SUGCT: variants seen among roughly 807,000 people sequenced by gnomAD.
The protein encoded by SUGCT is succinyl-CoA:glutarate CoA-transferase.
In SUGCT, 41 loss-of-function variants were observed where a neutral mutation model predicts 55.0. That is an observed-to-expected ratio of 0.74 (90% CI 0.58 to 0.97). SUGCT has a LOEUF of 0.97. Ranked by LOEUF, SUGCT falls within the 50% of genes least tolerant of loss-of-function variation. The pLI is 0.00. For synonymous variants in SUGCT, 187 were observed against 200.4 expected, an observed-to-expected ratio of 0.93 and a Z score of 0.56; for missense variants, 568 against 547.8, an observed-to-expected ratio of 1.04 and a Z score of -0.37.
intron 13 of SUGCT, among the ~76,000 whole-genome samples, chr7:40,761,927 T>G (rs768950936): frequency 3.9e-5 from 6 of 152,204 alleles, no homozygotes; most frequent in Non-Finnish European, 8.8e-5. Context: ...GTGGGTTCTT[T>G]CTGCTATGAC....
At chr7:40,815,057 G>A (rs1185756249) in intron 13 of SUGCT, among the ~76,000 whole-genome samples, 1 of 152,208 alleles carries the variant, frequency 6.6e-6, no homozygotes, top group Non-Finnish European at 1.5e-5. Flanking sequence ...AGAGCCAGCT[G>A]CAGCCAACAT....
At chr7:40,853,930 AT>A (rs56190843) in intron 13 of SUGCT, among the ~76,000 whole-genome samples, 12,084 of 152,306 alleles carry the variant, frequency 0.079, 651 homozygotes, top group Middle Eastern at 0.14. Context: ...AGCAAACACA[AT>A]TGACATTATT....
chr7:40,178,762 G>A (rs1785043456), intron 1 of SUGCT, among the ~76,000 whole-genome samples: 1 of 151,878 alleles, frequency 6.6e-6, no homozygotes, highest in Admixed American at 6.6e-5. Flanking sequence ...GCCAGTAGAG[G>A]GACCTTCCAA....
chr7:40,880,279 A>T, the SUGCT span, among the ~76,000 whole-genome samples: 1 of 152,130 alleles, frequency 6.6e-6, no homozygotes, highest in South Asian at 2.1e-4. Flanking sequence ...TTATTTAGTT[A>T]TTTATTTATT....
At chr7:40,441,624 A>C (rs1159986271) in intron 9 of SUGCT, among the ~76,000 whole-genome samples, 1 of 152,212 alleles carries the variant, frequency 6.6e-6, no homozygotes, top group Non-Finnish European at 1.5e-5. Context: ...TAAGATATTC[A>C]TGTAACTGCA....
At chr7:40,453,950 A>G (rs1789329504) in intron 10 of SUGCT, among the ~76,000 whole-genome samples, 1 of 152,222 alleles carries the variant, frequency 6.6e-6, no homozygotes, top group African/African-American at 2.4e-5. Context: ...ATATTTAGCA[A>G]AGAAATATAA....
In SUGCT at chr7:40,702,321, G is replaced by A. The variant is rs368009798; in HGVS notation, c.1090-47113G>A. ...TTTCTAACCTCTCACTGTGTCAAAG[G>A]ATTTCTCCTAATGTGAAAGAAACTT... On this transcript the variant is annotated intron_variant, in intron 12 of 13. Coordinates refer to ENST00000335693, the MANE Select transcript of SUGCT (RefSeq NM_001193313.2). Among the ~76,000 whole-genome samples the A allele has an allele frequency of 2.0e-5, 3 of 152,312 alleles. No homozygotes were observed. The South Asian group carries it at 6.2e-4, about 32-fold the overall frequency.
In SUGCT at chr7:40,359,948, G is replaced by A. The variant is rs1236094383; in HGVS notation, c.816+43093G>A. ...ATTTTATTGGTAACTACTTACAAAT[G>A]TTAGAGAAATGACCTGCAGCCTTTT... On this transcript the variant is annotated intron_variant, in intron 9 of 13. Transcript: ENST00000335693. Among the ~76,000 whole-genome samples the A allele has an allele frequency of 2.6e-5, 4 of 152,196 alleles. No individual in the cohort carries two copies. In the South Asian group the frequency reaches 6.2e-4, roughly 24 times the overall value.
chr7:40,817,666 G>A (rs796787971), intron 13 of SUGCT, among the ~76,000 whole-genome samples: 3 of 152,256 alleles, frequency 2.0e-5, no homozygotes, highest in African/African-American at 7.2e-5. Context: ...GATTCAAATG[G>A]AGGTTGGAGC....
intron 12 of SUGCT, among the ~76,000 whole-genome samples, chr7:40,712,380 A>G (rs1360036799): frequency 2.0e-5 from 3 of 152,218 alleles, no homozygotes; most frequent in Non-Finnish European, 4.4e-5. Flanking sequence ...GTGTTGTTGC[A>G]TCAGGCAGAA....
At chr7:41,004,679 C>G in the SUGCT span, among the ~76,000 whole-genome samples, 1 of 152,248 alleles carries the variant, frequency 6.6e-6, no homozygotes, top group Admixed American at 6.5e-5. Context: ...GTTGCAACTC[C>G]TGTCCTCCCT....
At chr7:40,894,839 G>A in the SUGCT span, among the ~76,000 whole-genome samples, 6 of 152,122 alleles carry the variant, frequency 3.9e-5, no homozygotes, top group African/African-American at 9.7e-5. Flanking sequence ...TCAGAGAAGA[G>A]GGAACACTTA....
chr7:40,532,485 G>T (rs1034022041), intron 12 of SUGCT, among the ~76,000 whole-genome samples: 1 of 151,382 alleles, frequency 6.6e-6, no homozygotes, highest in African/African-American at 2.4e-5. Context: ...GAAGGATTAA[G>T]AATCACTTCA....
At chr7:40,481,778 A>AAACTGCT in intron 11 of SUGCT, among the ~76,000 whole-genome samples, 1 of 152,298 alleles carries the variant, frequency 6.6e-6, no homozygotes, top group East Asian at 1.9e-4. Context: ...TTGGTGAGAG[A>AAACTGCT]AACTGCTTAT....
At chr7:40,822,701 G>GT (rs1172830786) in intron 13 of SUGCT, among the ~76,000 whole-genome samples, 6 of 152,150 alleles carry the variant, frequency 3.9e-5, no homozygotes, top group East Asian at 1.9e-4. Flanking sequence ...GTAGAGCACT[G>GT]TTTTTTACCT....
chr7:40,395,950 C>T (rs1350349826), intron 9 of SUGCT, among the ~76,000 whole-genome samples: 1 of 152,130 alleles, frequency 6.6e-6, no homozygotes, highest in Non-Finnish European at 1.5e-5. Flanking sequence ...TAAGAGACAC[C>T]TTGAATTTAT....
intron 9 of SUGCT, among the ~76,000 whole-genome samples, chr7:40,391,212 A>T (rs553581314): frequency 2.6e-5 from 4 of 152,352 alleles, no homozygotes; most frequent in African/African-American, 9.6e-5. Flanking sequence ...ACCATTCAGG[A>T]CATAGGCAAG....
intron 12 of SUGCT, among the ~76,000 whole-genome samples, chr7:40,613,308 G>A (rs985815461): frequency 6.6e-6 from 1 of 152,146 alleles, no homozygotes; most frequent in Non-Finnish European, 1.5e-5. Flanking sequence ...AAAGGGGCAC[G>A]AAGTGAAGAT....
chr7:40,669,317 A>C (rs375401965), intron 12 of SUGCT, among the ~76,000 whole-genome samples: 4 of 150,442 alleles, frequency 2.7e-5, no homozygotes, highest in East Asian at 2.0e-4. Context: ...CCAGAGTCAC[A>C]TAACATAATA....
Sources: gnomAD v4.1 joint callset for allele counts (sites outside exome capture counted in the v4.1 genomes callset) on GRCh38, gnomAD v4.1.1 for gene constraint, MANE v1.5 for transcripts, NCBI Gene and HGNC (gene_info 2026-07-23, HGNC 2026-07-21) for gene names.